The following SPTBN4 variants were observed in gnomAD, a reference collection of about 807,000 sequenced individuals.
SPTBN4 encodes spectrin beta chain, non-erythrocytic 4.
SPTBN4 carries 96 observed loss-of-function variants against 277.8 expected under a neutral mutation model. The observed-to-expected ratio is 0.35, with a 90% CI of 0.29 to 0.41. The LOEUF is 0.41. Ranked by LOEUF, SPTBN4 falls within the 10% of genes least tolerant of loss-of-function variation. SPTBN4 has a pLI of 1.00. For missense variants in SPTBN4, 3,006 were observed against 3,595.7 expected (o/e 0.84, Z 4.19); for synonymous variants, 1,481 against 1,580.3 (o/e 0.94, Z 1.49).
At position 40,570,718 on chromosome 19, in the gene SPTBN4, T is replaced by G. The variant is rs745693315; in HGVS notation, c.7309T>G (p.Ser2437Ala). 22 of 1,608,014 alleles carry G rather than the reference T, an allele frequency of 1.4e-5. No homozygotes were observed. The highest frequency in any genetic ancestry group is 1.9e-5 in the Non-Finnish European group (22 of 1,177,842). Reference protein sequence around the residue: ...RKRELDANRKSSNRSWVSLYC... With the variant: ...RKRELDANRKASNRSWVSLYC... ...GCGCGAGCTCGACGCTAACCGCAAG[T>G]CGTCCAACCGGTGAGCGTGTGGGCG... Residue 2437 changes from serine to alanine, a missense_variant, in exon 33 of 36, where the codon TCG becomes GCG. Transcript: ENST00000598249.
rs2080495072 is a variant in SPTBN4 at position 40,519,311 on chromosome 19, T to C, written c.2904-90T>C. ...TGAGGTCACACAGTGGCTGGGTGGCTTGGGCCTGGATTCTACCCTGGGTCG... is the reference window on the plus strand; with the variant it reads ...TGAGGTCACACAGTGGCTGGGTGGCCTGGGCCTGGATTCTACCCTGGGTCG... On this transcript the variant is annotated intron_variant, in intron 15 of 35. Transcript: ENST00000598249. This position sits in a 1 kb window ranked among gnomAD's most constrained non-coding sequence, Gnocchi z 5.7. 1.5e-6 allele frequency: 2 copies of C among 1,313,144 alleles called. No individual in the cohort carries two copies. 81.3% of individuals were successfully genotyped at this position (1,313,144 alleles called of 1,614,324 possible).
intron 19 of SPTBN4, among the ~76,000 whole-genome samples, chr19:40,532,985 T>A (rs749975166): frequency 1.1e-4 from 16 of 152,230 alleles, no homozygotes; most frequent in Non-Finnish European, 2.2e-4. Context: ...GTGGCCAGCA[T>A]CTCTTCTGAA....
At chr19:40,541,330 G>A (rs1345851352) in intron 20 of SPTBN4, among the ~76,000 whole-genome samples, 1 of 152,182 alleles carries the variant, frequency 6.6e-6, no homozygotes, top group Non-Finnish European at 1.5e-5. Flanking sequence ...ACACAGTGAT[G>A]GGTGCCAGAG....
At chr19:40,565,807 C>A in intron 29 of SPTBN4, 62 bp downstream of exon 29, 1 of 1,511,266 alleles carries the variant, frequency 6.6e-7, no homozygotes, top group Non-Finnish European at 9.0e-7. Flanking sequence ...GCCTGTCCAG[C>A]CAAGGCCCAG....
chr19:40,504,138 GGC>G lies in SPTBN4; in HGVS notation c.1665+8_1665+9del, dbSNP rs770053478. On this transcript the variant is annotated splice_region_variant and intron_variant, in intron 12 of 35. Coordinates refer to ENST00000598249, the MANE Select transcript of SPTBN4 (RefSeq NM_020971.3). Reference sequence around the variant, plus strand: ...ACTGGATGGAGGAGATGCAGGTGCCGGCGGGGGGGCGGGGATGCGGGTGGAGT... The same window carrying G: ...ACTGGATGGAGGAGATGCAGGTGCCGGGGGGGGCGGGGATGCGGGTGGAGT... The G allele has an allele frequency of 6.1e-5, 87 of 1,418,484 alleles. 4 individuals are homozygous for G. The highest frequency in any genetic ancestry group is 8.8e-5 in the South Asian group (7 of 79,762). The allele number at this position is 1,418,484 out of a possible 1,614,324, so 87.9% of individuals were successfully genotyped here. A position where few individuals can be genotyped will look rare whatever the true frequency, so the allele number is the denominator to read the frequency against.
intron 33 of SPTBN4, 129 bp downstream of exon 33, chr19:40,570,857 G>A: frequency 9.7e-7 from 1 of 1,028,080 alleles, no homozygotes; most frequent in Admixed American, 3.6e-5. Context: ...AGTAGGTGGG[G>A]CCAGAGCTGG....
chr19:40,557,006 CCA>C lies in SPTBN4; in HGVS notation c.5290-15_5290-14del, dbSNP rs1599805692. On this transcript the variant is annotated splice_polypyrimidine_tract_variant and intron_variant, in intron 25 of 35. Transcript: ENST00000598249. ...TGCTCACTTTGCTGTACCCCCCCCC[CCA>C]CTTCCTGATGGCAGGTGCTGCAGGA... is the stretch of plus-strand genomic sequence containing the variant. The C allele has an allele frequency of 6.5e-7, 1 of 1,528,282 alleles. No homozygotes were observed. The highest frequency in any genetic ancestry group is 8.8e-7 in the Non-Finnish European group (1 of 1,131,562). 94.7% of individuals were successfully genotyped at this position (1,528,282 alleles called of 1,614,324 possible). A position where few individuals can be genotyped will look rare whatever the true frequency, so the allele number is the denominator to read the frequency against.
At position 40,541,887 on chromosome 19, in the gene SPTBN4, C is replaced by T. The variant is rs183739285; in HGVS notation, c.4360-7302C>T. ...CCCAGTAGCTGGGATTACAGGCACC[C>T]GCCACCATGCCTGGCTAATTTTTGT... On this transcript the variant is annotated intron_variant, in intron 20 of 35. Transcript: ENST00000598249. Among the ~76,000 whole-genome samples the T allele has an allele frequency of 4.9e-3, 749 of 151,628 alleles. 9 individuals are homozygous for T. The highest frequency in any genetic ancestry group is 0.017 in the African/African-American group (716 of 41,278).
At chr19:40,469,643 CT>C (rs919689013) in intron 1 of SPTBN4, among the ~76,000 whole-genome samples, 1 of 150,652 alleles carries the variant, frequency 6.6e-6, no homozygotes, top group African/African-American at 2.4e-5. Context: ...AATTTCTTCT[CT>C]TTTTTTTTGT....
chr19:40,559,235 A>AT (rs1169182790), intron 26 of SPTBN4, among the ~76,000 whole-genome samples: 1 of 152,018 alleles, frequency 6.6e-6, no homozygotes, highest in Admixed American at 6.6e-5. Context: ...CAGCCCAGTT[A>AT]TTTTTTATAA....
chr19:40,560,797 T>TCCAACCACTATGTGAGC lies in SPTBN4; in HGVS notation c.5915+394_5915+395insCCAACCACTATGTGAGC. On this transcript the variant is annotated intron_variant, in intron 27 of 35. Coordinates refer to ENST00000598249, the MANE Select transcript of SPTBN4 (RefSeq NM_020971.3). This position sits in a 1 kb window ranked among gnomAD's most constrained non-coding sequence, Gnocchi z 5.2. ...AGTGGGCATGGGCTTATTGCTCACATAGTGGTTGGATGTGAGTGTCCAGCA... is the reference window on the plus strand; with the variant it reads ...AGTGGGCATGGGCTTATTGCTCACATCCAACCACTATGTGAGCAGTGGTTGGATGTGAGTGTCCAGCA... 2.6e-6 allele frequency: 3 copies of TCCAACCACTATGTGAGC among 1,140,038 alleles called. No individual in the cohort carries two copies. Among genetic ancestry groups the TCCAACCACTATGTGAGC allele is most frequent in the Non-Finnish European group, 3.3e-6 (3 of 911,110 alleles). 70.6% of individuals were successfully genotyped at this position (1,140,038 alleles called of 1,614,324 possible). A position where few individuals can be genotyped will look rare whatever the true frequency, so the allele number is the denominator to read the frequency against.
intron 20 of SPTBN4, among the ~76,000 whole-genome samples, chr19:40,542,265 C>T (rs539273152): frequency 2.6e-5 from 4 of 152,212 alleles, no homozygotes; most frequent in African/African-American, 7.2e-5. Flanking sequence ...GCCTCCTTCC[C>T]GTGTTCCTCA....
chr19:40,572,442 C>T, intron 35 of SPTBN4, 62 bp downstream of exon 35: 1 of 1,597,570 alleles, frequency 6.3e-7, no homozygotes, highest in Non-Finnish European at 8.6e-7. Flanking sequence ...TGTCTGGCTC[C>T]TGACCCAGAG....
chr19:40,531,460 GTTTGTTTTTTTTTTTTTTTTT>G (rs2080670444), intron 18 of SPTBN4, among the ~76,000 whole-genome samples: 2 of 81,402 alleles, frequency 2.5e-5, no homozygotes, highest in Non-Finnish European at 4.4e-5. Flanking sequence ...GGAGTCCAGT[GTTTGTTTTTTTTTTTTTTTTT>G]TTTTTTTTTT....
At chr19:40,498,413 A>ATTTT (rs1555812395) in intron 7 of SPTBN4, among the ~76,000 whole-genome samples, 45 of 127,746 alleles carry the variant, frequency 3.5e-4, no homozygotes, top group South Asian at 1.4e-3. Flanking sequence ...TTATTTATTT[A>ATTTT]TTTATTTTTT....
At chr19:40,494,776 A>G (rs1599728998) in intron 5 of SPTBN4, 121 bp from the exon 6 acceptor site, 1 of 799,486 alleles carries the variant, frequency 1.3e-6, no homozygotes, top group Non-Finnish European at 2.0e-6. Flanking sequence ...CCATCTTTCT[A>G]TGTTCTACCC....
intron 2 of SPTBN4, among the ~76,000 whole-genome samples, chr19:40,485,132 C>T (rs968188668): frequency 9.9e-5 from 15 of 151,908 alleles, no homozygotes; most frequent in Non-Finnish European, 1.5e-4. Flanking sequence ...CGTGAGCCAC[C>T]GTGCCTGGCC....
At chr19:40,467,401 G>C (rs2079836969) in intron 1 of SPTBN4, 96 bp downstream of exon 1, 1 of 152,390 alleles carries the variant, frequency 6.6e-6, no homozygotes, top group African/African-American at 2.4e-5. Flanking sequence ...CTGGAGCCCC[G>C]GGTCTCCCCG....
At chr19:40,500,023 G>A (rs1040820579) in intron 7 of SPTBN4, among the ~76,000 whole-genome samples, 6 of 92,418 alleles carry the variant, frequency 6.5e-5, no homozygotes, top group African/African-American at 2.3e-4. Context: ...CAGGAGGATC[G>A]CTTGAGGCCA....
Sources: gnomAD v4.1 joint callset for allele counts (sites outside exome capture counted in the v4.1 genomes callset) on GRCh38, gnomAD v4.1.1 for gene constraint, Gnocchi (gnomAD v3.1) non-coding constraint, MANE v1.5 for transcripts, NCBI Gene and HGNC (gene_info 2026-07-23, HGNC 2026-07-21) for gene names.